Variants in MTUS2 observed in about 807,000 individuals in gnomAD.
MTUS2 encodes the protein microtubule-associated tumor suppressor candidate 2.
A neutral mutation model predicts 114.1 loss-of-function variants in MTUS2; 40 were observed. The ratio of observed to expected loss-of-function variants is 0.35; its 90% CI spans 0.27 to 0.46. The LOEUF (loss-of-function observed/expected upper bound fraction) is 0.46. Ranked by LOEUF, MTUS2 falls within the 20% of genes least tolerant of loss-of-function variation. The pLI, the probability that MTUS2 is intolerant of heterozygous loss-of-function variation, is 1.00. For synonymous variants in MTUS2, 688 were observed against 672.0 expected, an observed-to-expected ratio of 1.02 and a Z score of -0.37; for missense variants, 1,679 against 1,705.4, an observed-to-expected ratio of 0.98 and a Z score of 0.27.
chr13:28,959,149 G>T (rs1883204414), intron 2 of MTUS2, among the ~76,000 whole-genome samples: 1 of 152,172 alleles, frequency 6.6e-6, no homozygotes, highest in Non-Finnish European at 1.5e-5. Context: ...CCCAACAACA[G>T]CCGGCTTTCT....
chr13:29,388,324 G>A (rs1024435299), intron 8 of MTUS2, among the ~76,000 whole-genome samples: 4 of 151,704 alleles, frequency 2.6e-5, no homozygotes, highest in Non-Finnish European at 4.4e-5. Context: ...CTTTTTTGTC[G>A]TTTACCTGAT....
intron 7 of MTUS2, chr13:29,339,429 C>T (rs114533206): frequency 0.078 from 11,897 of 153,222 alleles, 1,478 homozygotes; most frequent in African/African-American, 0.26. Context: ...CAGAGTGGCT[C>T]ATCGAATTTC....
At chr13:28,899,051 TTTC>T (rs1331467399) in intron 2 of MTUS2, among the ~76,000 whole-genome samples, 1 of 152,212 alleles carries the variant, frequency 6.6e-6, no homozygotes, top group African/African-American at 2.4e-5. Context: ...TGTCTCAGTT[TTTC>T]TTCTTCAGGC....
intron 4 of MTUS2, among the ~76,000 whole-genome samples, chr13:29,094,935 G>A (rs529210343): frequency 6.6e-6 from 1 of 151,992 alleles, no homozygotes; most frequent in East Asian, 1.9e-4. Context: ...CTTTGACCCA[G>A]TGGTTATTTA....
chr13:29,328,150 A>G (rs981060682), intron 7 of MTUS2, among the ~76,000 whole-genome samples: 1 of 152,036 alleles, frequency 6.6e-6, no homozygotes, highest in African/African-American at 2.4e-5. Context: ...ATAAATTACT[A>G]TAAATTTTAT....
intron 5 of MTUS2, among the ~76,000 whole-genome samples, chr13:29,186,333 T>C (rs1894221904): frequency 1.3e-5 from 2 of 152,308 alleles, no homozygotes; most frequent in Admixed American, 1.3e-4. Flanking sequence ...AATTAAACAC[T>C]GAATTAAAAA....
intron 6 of MTUS2, among the ~76,000 whole-genome samples, chr13:29,298,197 A>G (rs750705997): frequency 6.6e-6 from 1 of 152,172 alleles, no homozygotes; most frequent in African/African-American, 2.4e-5. Flanking sequence ...TATTGATATG[A>G]TGCGTTGTAG....
chr13:28,940,516 T>C (rs1480833975), intron 2 of MTUS2, among the ~76,000 whole-genome samples: 3 of 152,158 alleles, frequency 2.0e-5, no homozygotes, highest in Non-Finnish European at 4.4e-5. Context: ...TTACTGGAGT[T>C]ATCAAACCCA....
chr13:28,959,771 A>G (rs1883236862), intron 2 of MTUS2, among the ~76,000 whole-genome samples: 1 of 152,106 alleles, frequency 6.6e-6, no homozygotes, highest in Admixed American at 6.5e-5. Context: ...CATGACTCAA[A>G]CACCTGCCAC....
At chr13:29,422,306 T>C (rs182341848) in intron 8 of MTUS2, among the ~76,000 whole-genome samples, 258 of 152,340 alleles carry the variant, frequency 1.7e-3, no homozygotes, top group African/African-American at 5.7e-3. Flanking sequence ...CCTCAGAGCC[T>C]CATTTACTCA....
rs374054228 is a variant in MTUS2 at position 29,034,840 on chromosome 13, C to G, written c.2446+715C>G. 9.2e-5 allele frequency among the ~76,000 whole-genome samples: 14 copies of G among 152,282 alleles called. No homozygotes were observed. In the South Asian group the frequency reaches 1.2e-3, roughly 14 times the overall value. The stretch of plus-strand genomic sequence containing the variant: ...TCACCAAGCTACCATTGCTGTCCCC[C>G]ACCACTGCACCTTCATCAGGATGTT... On this transcript the variant is annotated intron_variant, in intron 4 of 15. Coordinates refer to ENST00000612955, the MANE Select transcript of MTUS2 (RefSeq NM_001033602.4).
intron 5 of MTUS2, among the ~76,000 whole-genome samples, chr13:29,104,058 A>G (rs572438086): frequency 1.1e-3 from 167 of 152,204 alleles, no homozygotes; most frequent in African/African-American, 3.7e-3. Context: ...TGGCAGGACC[A>G]TTTGGGGTCT....
At chr13:28,867,161 A>G (rs1049303966) in intron 2 of MTUS2, among the ~76,000 whole-genome samples, 1 of 152,236 alleles carries the variant, frequency 6.6e-6, no homozygotes, top group Non-Finnish European at 1.5e-5. Context: ...AGAGTTGCCA[A>G]GAATGGCAAC....
At chr13:29,343,233 C>T (rs1901491795) in intron 7 of MTUS2, among the ~76,000 whole-genome samples, 1 of 151,968 alleles carries the variant, frequency 6.6e-6, no homozygotes, top group South Asian at 2.1e-4. Flanking sequence ...AGGATTGGTA[C>T]CAGTTCTTCT....
At chr13:29,118,986 TCTC>T (rs1358886945) in intron 5 of MTUS2, among the ~76,000 whole-genome samples, 1 of 152,156 alleles carries the variant, frequency 6.6e-6, no homozygotes, top group Non-Finnish European at 1.5e-5. Flanking sequence ...GTTTGCTTCT[TCTC>T]ATGTTTTTAT....
At chr13:28,997,594 TTTAGGATAG>T (rs1288183854) in intron 2 of MTUS2, among the ~76,000 whole-genome samples, 1 of 152,166 alleles carries the variant, frequency 6.6e-6, no homozygotes, top group Non-Finnish European at 1.5e-5. Flanking sequence ...TGCATATATA[TTTAGGATAG>T]TTAGCTCTTC....
At chr13:29,168,630 C>G (rs1051317759) in intron 5 of MTUS2, among the ~76,000 whole-genome samples, 5 of 152,156 alleles carry the variant, frequency 3.3e-5, no homozygotes, top group Non-Finnish European at 2.9e-5. Flanking sequence ...CAAGGAGGCC[C>G]TCATTTTTGG....
At chr13:29,384,283 A>G (rs1872483244) in intron 8 of MTUS2, among the ~76,000 whole-genome samples, 1 of 152,250 alleles carries the variant, frequency 6.6e-6, no homozygotes, top group Non-Finnish European at 1.5e-5. Flanking sequence ...CGTGTCCATT[A>G]GATTTCTGAT....
intron 5 of MTUS2, among the ~76,000 whole-genome samples, chr13:29,187,608 G>T (rs904696798): frequency 2.0e-5 from 3 of 152,286 alleles, no homozygotes; most frequent in African/African-American, 7.2e-5. Flanking sequence ...TTCTGTACAT[G>T]TATGGAACAT....
Sources: allele counts gnomAD v4.1 joint callset (sites outside exome capture counted in the v4.1 genomes callset), GRCh38; gene constraint gnomAD v4.1.1; transcripts MANE v1.5; gene names NCBI Gene and HGNC (gene_info 2026-07-23, HGNC 2026-07-21).